Variants in ASPM observed in about 807,000 individuals in gnomAD.
The protein encoded by ASPM is abnormal spindle-like microcephaly-associated protein.
ASPM carries 256 observed loss-of-function variants against 366.4 expected under a neutral mutation model. The ratio of observed to expected loss-of-function variants is 0.70; its 90% CI spans 0.63 to 0.77. ASPM has a LOEUF of 0.77. Among genes scored for constraint, ASPM ranks in the 30% least tolerant of loss-of-function variants. The pLI is 0.00. For synonymous variants in ASPM, 1,414 were observed against 1,342.9 expected (o/e 1.05, Z -1.16); for missense variants, 4,146 against 4,090.4 (o/e 1.01, Z -0.37).
chr1:197,110,688 T>C lies in ASPM; in HGVS notation c.4066-5503A>G, dbSNP rs145097943. Among the ~76,000 whole-genome samples, 192 of 151,762 alleles carry C rather than the reference T, an allele frequency of 1.3e-3. 1 individual carries two copies. Among genetic ancestry groups the C allele is most frequent in the African/African-American group, 2.4e-3 (100 of 41,412 alleles). Reference sequence around the variant, plus strand: ...ACTGCTACAGTGCGAGGCTCAAAGATAGACAAATGGACCAATTGAATAGAA... The same window carrying C: ...ACTGCTACAGTGCGAGGCTCAAAGACAGACAAATGGACCAATTGAATAGAA... On this transcript the variant is annotated intron_variant, in intron 17 of 27. Coordinates refer to ENST00000367409, the MANE Select transcript of ASPM (RefSeq NM_018136.5).
At chr1:197,128,711 T>C in intron 9 of ASPM, 46 bp from the exon 10 acceptor site, 1 of 1,449,064 alleles carries the variant, frequency 6.9e-7, no homozygotes, top group Non-Finnish European at 9.5e-7. Flanking sequence ...TATTATAATT[T>C]TGCTTATAAT....
intron 17 of ASPM, among the ~76,000 whole-genome samples, chr1:197,112,476 A>AT (rs1369369956): frequency 1.3e-5 from 2 of 152,116 alleles, no homozygotes; most frequent in Non-Finnish European, 2.9e-5. Flanking sequence ...GTCTACCTAT[A>AT]TAACTGTGAC....
intron 17 of ASPM, among the ~76,000 whole-genome samples, chr1:197,115,108 C>A (rs1361586188): frequency 1.3e-5 from 2 of 150,780 alleles, no homozygotes; most frequent in Non-Finnish European, 3.0e-5. Flanking sequence ...GAACTCCTAG[C>A]CTCAAGCCAT....
At chr1:197,094,974 T>C (rs1656924899) in intron 19 of ASPM, among the ~76,000 whole-genome samples, 1 of 151,722 alleles carries the variant, frequency 6.6e-6, no homozygotes, top group African/African-American at 2.4e-5. Flanking sequence ...GGATATATAA[T>C]AGTTGTAAAT....
chr1:197,098,970 A>G (rs184225346), intron 18 of ASPM, among the ~76,000 whole-genome samples: 168 of 151,604 alleles, frequency 1.1e-3, no homozygotes, highest in Non-Finnish European at 1.8e-3. Flanking sequence ...TTCATCATCA[A>G]TCTCAAAACC....
At chr1:197,138,177 T>A (rs372578015) in intron 4 of ASPM, among the ~76,000 whole-genome samples, 1 of 152,306 alleles carries the variant, frequency 6.6e-6, no homozygotes, top group East Asian at 1.9e-4. Flanking sequence ...TTTAACATGA[T>A]GTTACATGTT....
chr1:197,146,511 T>A lies in ASPM; in HGVS notation c.-74A>T. The A allele has an allele frequency of 1.3e-6, 2 of 1,542,486 alleles. No homozygotes were observed. The highest frequency in any genetic ancestry group is 2.3e-5 in the South Asian group (2 of 88,594). ...CGGCTCCGGAGCGGGGATCCGGGAC[T>A]TACGCTGACCGCTTCCCCTCAGGGG... On this transcript the variant is annotated 5_prime_UTR_variant, in exon 1 of 28. The change creates a new upstream start codon in the 5' untranslated region. Transcript: ENST00000367409.
chr1:197,101,259 C>A lies in ASPM; in HGVS notation c.7992G>T (p.Val2664=). 6.2e-7 allele frequency: 1 copy of A among 1,612,030 alleles called. No individual in the cohort carries two copies. The highest frequency in any genetic ancestry group is 8.5e-7 in the Non-Finnish European group (1 of 1,178,892). ...GTATACAAATAACTGCTTGGGTACG[C>A]ACTGCAGTTAGTTTTCTGTATCTTC... ...IQRRYRKLTA[V]RTQAVICIQS... Residue 2664 remains valine (V), a synonymous_variant, in exon 18 of 28, where the codon GTG becomes GTT. Transcript: ENST00000367409.
chr1:197,122,503 T>G lies in ASPM; in HGVS notation c.3483A>C (p.Ile1161=). The G allele has an allele frequency of 1.2e-6, 2 of 1,613,562 alleles. No homozygotes were observed. The highest frequency in any genetic ancestry group is 1.3e-5 in the African/African-American group (1 of 75,028). ...CCACAGTTTGAGTAGTACGCTGACA[T>G]ATAGCGTCAAATGGCACATAGCAAG... The part of the protein sequence containing the change: ...YHPCYVPFDA[I]CQRTTQTVEC... Residue 1161 remains isoleucine (I), a synonymous_variant, in exon 14 of 28, where the codon ATA becomes ATC. Coordinates refer to ENST00000367409, the MANE Select transcript of ASPM (RefSeq NM_018136.5).
chr1:197,139,742 G>A (rs766319262), intron 4 of ASPM, 25 bp downstream of exon 4: 1 of 1,488,174 alleles, frequency 6.7e-7, no homozygotes, highest in Non-Finnish European at 9.4e-7. Context: ...TGTTTTCAGA[G>A]AGTTTAAGTA....
intron 17 of ASPM, among the ~76,000 whole-genome samples, chr1:197,113,522 T>C (rs1669541194): frequency 6.6e-6 from 1 of 152,092 alleles, no homozygotes; most frequent in Admixed American, 6.6e-5. Flanking sequence ...TAGTTTTAGG[T>C]GAGATCAAAA....
intron 7 of ASPM, 37 bp from the exon 8 acceptor site, chr1:197,130,093 A>G: frequency 6.2e-7 from 1 of 1,601,168 alleles, no homozygotes; most frequent in South Asian, 1.1e-5. Flanking sequence ...GAATTATGCT[A>G]TCTCTAAGAA....
intron 17 of ASPM, among the ~76,000 whole-genome samples, chr1:197,113,924 TAA>T (rs1304899274): frequency 2.6e-5 from 4 of 152,140 alleles, no homozygotes; most frequent in African/African-American, 9.7e-5. Flanking sequence ...TGGCTAAAAT[TAA>T]AAAGACAATT....
chr1:197,132,974 G>C (rs928779852), intron 6 of ASPM, among the ~76,000 whole-genome samples: 5 of 152,054 alleles, frequency 3.3e-5, no homozygotes, highest in Non-Finnish European at 7.4e-5. Flanking sequence ...GAATGGGGTA[G>C]AGGGACTGGG....
intron 7 of ASPM, among the ~76,000 whole-genome samples, chr1:197,130,895 G>A (rs1658236169): frequency 6.6e-6 from 1 of 152,196 alleles, no homozygotes; most frequent in African/African-American, 2.4e-5. Context: ...TGTGGGTGGA[G>A]ATGATACAAA....
rs372634486 is a variant in ASPM at position 197,091,006 on chromosome 1, A to C, written c.9480T>G (p.Phe3160Leu). The C allele has an allele frequency of 6.0e-5, 97 of 1,612,404 alleles. No homozygotes were observed. The highest frequency in any genetic ancestry group is 7.9e-5 in the Non-Finnish European group (93 of 1,179,062). ...TTTTGATGCTATGATATTTCTGAAT[A>C]AATCTCTTTTCTTGTAATCTTGCTC... ...WFRARLQEKR[F>L]IQKYHSIKKI... Residue 3160 changes from phenylalanine (F) to leucine (L), a missense_variant, in exon 23 of 28, where the codon TTT (phenylalanine) becomes TTG (leucine). By Grantham distance (22) the Phe-to-Leu change is conservative. Coordinates refer to ENST00000367409, the MANE Select transcript of ASPM (RefSeq NM_018136.5).
At chr1:197,121,558 A>G (rs1657905787) in intron 16 of ASPM, among the ~76,000 whole-genome samples, 1 of 152,196 alleles carries the variant, frequency 6.6e-6, no homozygotes, top group Non-Finnish European at 1.5e-5. Flanking sequence ...TAAAAAATTA[A>G]TGGAAAGCTC....
chr1:197,084,419 G>C lies in ASPM; in HGVS notation c.10339C>G (p.Pro3447Ala). 6.2e-7 allele frequency: 1 copy of C among 1,600,320 alleles called. No individual in the cohort carries two copies. Among genetic ancestry groups the C allele is most frequent in the Non-Finnish European group, 8.5e-7 (1 of 1,172,582 alleles). The change falls in exon 28 of 28, where the codon CCA becomes GCA. Residue 3447 changes from proline to alanine, a missense_variant. By Grantham distance (27) the Pro-to-Ala change is conservative (BLOSUM62 -1). Transcript: ENST00000367409. ...TTATCTCTTCTCAAAACCCAATCTGGCTTAAGTCTGTTAAAAAAAAAAAAA... is the reference window on the plus strand; with the variant it reads ...TTATCTCTTCTCAAAACCCAATCTGCCTTAAGTCTGTTAAAAAAAAAAAAA... ...VRTRIVSRLKPDWVLRRDNME... is the reference protein window; with the variant it reads ...VRTRIVSRLKADWVLRRDNME...
intron 17 of ASPM, among the ~76,000 whole-genome samples, chr1:197,113,086 C>A (rs1657636251): frequency 1.3e-5 from 2 of 152,078 alleles, no homozygotes; most frequent in Non-Finnish European, 2.9e-5. Context: ...AGCTGGAGGC[C>A]ATTATCCTAA....
Sources: gnomAD v4.1 joint callset for allele counts (sites outside exome capture counted in the v4.1 genomes callset) on GRCh38, gnomAD v4.1.1 for gene constraint, MANE v1.5 for transcripts, NCBI Gene and HGNC (gene_info 2026-07-23, HGNC 2026-07-21) for gene names.